The following CENPW variants were observed in gnomAD, a reference collection of about 807,000 sequenced individuals.
CENPW encodes centromere protein W.
In CENPW, 3 loss-of-function variants were observed where a neutral mutation model predicts 11.1. That is an observed-to-expected ratio of 0.27 (90% CI 0.12 to 0.70). CENPW has a LOEUF of 0.70. CENPW is among the 30% of genes least tolerant of loss of function. The pLI, the probability that CENPW is intolerant of heterozygous loss-of-function variation, is 0.77. For synonymous variants in CENPW, 38 were observed against 42.0 expected, an observed-to-expected ratio of 0.91 and a Z score of 0.37; for missense variants, 100 against 105.6, an observed-to-expected ratio of 0.95 and a Z score of 0.23.
chr6:126,468,898 G>T, the CENPW span, among the ~76,000 whole-genome samples: 1 of 152,022 alleles, frequency 6.6e-6, no homozygotes, highest in Non-Finnish European at 1.5e-5. Flanking sequence ...CCACCTCCTG[G>T]GTTGAAGTGA....
chr6:126,388,826 A>G, the CENPW span, among the ~76,000 whole-genome samples: 8 of 152,076 alleles, frequency 5.3e-5, 1 homozygote, highest in South Asian at 1.0e-3. Context: ...TGCCACTCCT[A>G]CTAGATTTTA....
chr6:126,383,532 C>T, the CENPW span, among the ~76,000 whole-genome samples: 1 of 152,012 alleles, frequency 6.6e-6, no homozygotes, highest in Non-Finnish European at 1.5e-5. Flanking sequence ...AGAGACCCAT[C>T]TCACATGCAG....
At chr6:126,451,109 TTGAA>T in the CENPW span, among the ~76,000 whole-genome samples, 3 of 150,946 alleles carry the variant, frequency 2.0e-5, no homozygotes, top group Non-Finnish European at 4.5e-5. Context: ...TGCACCAACT[TTGAA>T]TGGGATTAAT....
the CENPW span, among the ~76,000 whole-genome samples, chr6:126,398,434 C>T: frequency 8.5e-5 from 13 of 152,104 alleles, no homozygotes; most frequent in East Asian, 2.1e-3. Flanking sequence ...GTTCCAGGAC[C>T]GACCTCCCAA....
the CENPW span, among the ~76,000 whole-genome samples, chr6:126,391,438 G>T: frequency 1.3e-5 from 2 of 151,748 alleles, no homozygotes; most frequent in African/African-American, 4.8e-5. Flanking sequence ...TGACTTCACT[G>T]ATTGTTTCCT....
the CENPW span, among the ~76,000 whole-genome samples, chr6:126,392,428 A>T: frequency 6.6e-6 from 1 of 152,030 alleles, no homozygotes. Flanking sequence ...TCAGTATGAT[A>T]CTAGCTGTGG....
chr6:126,462,585 C>G, the CENPW span, among the ~76,000 whole-genome samples: 1 of 149,284 alleles, frequency 6.7e-6, no homozygotes, highest in Non-Finnish European at 1.5e-5. Context: ...CTCTTTCTTG[C>G]TTTTTCCATT....
the CENPW span, among the ~76,000 whole-genome samples, chr6:126,372,319 A>G: frequency 6.6e-6 from 1 of 152,220 alleles, no homozygotes; most frequent in Non-Finnish European, 1.5e-5. Context: ...ATATTATATC[A>G]GTATATAGTT....
chr6:126,441,318 T>C, the CENPW span, among the ~76,000 whole-genome samples: 1 of 151,576 alleles, frequency 6.6e-6, no homozygotes, highest in South Asian at 2.1e-4. Flanking sequence ...GCATTTTCCT[T>C]GGATGCTCTG....
At chr6:126,341,826 C>T (rs1780317260) in intron 1 of CENPW, among the ~76,000 whole-genome samples, 1 of 152,192 alleles carries the variant, frequency 6.6e-6, no homozygotes, top group Non-Finnish European at 1.5e-5. Context: ...GTGGAAATTC[C>T]TCAGGTAGTC....
At chr6:126,372,421 C>G in the CENPW span, among the ~76,000 whole-genome samples, 12 of 152,024 alleles carry the variant, frequency 7.9e-5, no homozygotes, top group African/African-American at 2.9e-4. Flanking sequence ...AATTGCATAT[C>G]ATTTTATTAT....
chr6:126,399,263 C>T, the CENPW span, among the ~76,000 whole-genome samples: 1 of 152,024 alleles, frequency 6.6e-6, no homozygotes, highest in Non-Finnish European at 1.5e-5. Context: ...AATTTACATT[C>T]CCATCAACAG....
chr6:126,476,567 G>A, the CENPW span, among the ~76,000 whole-genome samples: 1 of 151,870 alleles, frequency 6.6e-6, no homozygotes, highest in Non-Finnish European at 1.5e-5. Context: ...ATTATGTGTT[G>A]AGTATTACAA....
chr6:126,447,954 A>G, the CENPW span, among the ~76,000 whole-genome samples: 1 of 151,250 alleles, frequency 6.6e-6, no homozygotes, highest in Admixed American at 6.6e-5. Flanking sequence ...GCTTTCATGA[A>G]TATGTATTAT....
downstream of CENPW, among the ~76,000 whole-genome samples, chr6:126,351,028 A>G (rs1225542028): frequency 1.3e-5 from 2 of 151,766 alleles, no homozygotes; most frequent in East Asian, 3.9e-4. Context: ...ATGTGCTCAG[A>G]GGTAATGTCT....
At chr6:126,428,695 T>G in the CENPW span, among the ~76,000 whole-genome samples, 2 of 152,208 alleles carry the variant, frequency 1.3e-5, no homozygotes, top group Non-Finnish European at 2.9e-5. Flanking sequence ...TTTAAAAATT[T>G]TCTTTTACTG....
the CENPW span, among the ~76,000 whole-genome samples, chr6:126,379,154 T>A: frequency 1.3e-5 from 2 of 152,100 alleles, no homozygotes; most frequent in Non-Finnish European, 2.9e-5. Context: ...TAAGCATAGG[T>A]AGAACACCCA....
At chr6:126,410,784 G>A in the CENPW span, among the ~76,000 whole-genome samples, 1 of 151,576 alleles carries the variant, frequency 6.6e-6, no homozygotes, top group South Asian at 2.1e-4. Context: ...GCTTTCACTT[G>A]TATTTTTCAT....
At chr6:126,477,780 A>G in the CENPW span, among the ~76,000 whole-genome samples, 2 of 152,034 alleles carry the variant, frequency 1.3e-5, no homozygotes, top group African/African-American at 4.8e-5. Context: ...TTGTCTTGCT[A>G]TCTTGCACAT....
Sources: gnomAD v4.1 joint callset for allele counts (sites outside exome capture counted in the v4.1 genomes callset) on GRCh38, gnomAD v4.1.1 for gene constraint, MANE v1.5 for transcripts, NCBI Gene and HGNC (gene_info 2026-07-23, HGNC 2026-07-21) for gene names.